DMD: variants seen among roughly 807,000 people sequenced by gnomAD.
The protein encoded by DMD is dystrophin.
Under a neutral mutation model 330.1 loss-of-function variants are expected in DMD, and 63 were observed. That is an observed-to-expected ratio of 0.19 (90% CI 0.16 to 0.24). DMD has a LOEUF of 0.24. Ranked by LOEUF, DMD falls within the 10% of genes least tolerant of loss-of-function variation. The pLI is 1.00. For missense variants in DMD, 3,344 were observed against 2,684.1 expected, an observed-to-expected ratio of 1.25 and a Z score of -5.43; for synonymous variants, 1,223 against 959.8, an observed-to-expected ratio of 1.27 and a Z score of -5.07.
intron 1 of DMD, among the ~76,000 whole-genome samples, chrX:33,200,925 CTTTTTTTTTTTT>C (rs10678250): frequency 1.9e-5 from 1 of 52,808 alleles, no homozygotes; most frequent in East Asian, 7.6e-4. Flanking sequence ...AATCAATAGA[CTTTTTTTTTTTT>C]TTTTTTTTTT....
intron 1 of DMD, among the ~76,000 whole-genome samples, chrX:33,297,443 T>C (rs1414190820): frequency 9.0e-6 from 1 of 110,894 alleles, no homozygotes; most frequent in Non-Finnish European, 1.9e-5. Context: ...TCTCAAACTA[T>C]TAAAAATAGA....
chrX:32,741,192 A>AAGTACATT (rs2069215711), intron 7 of DMD, among the ~76,000 whole-genome samples: 1 of 111,506 alleles, frequency 9.0e-6, no homozygotes, highest in Admixed American at 9.6e-5. Flanking sequence ...AATCACACGG[A>AAGTACATT]TATTGCCACT....
chrX:31,509,631 C>T (rs1337272448), intron 55 of DMD, among the ~76,000 whole-genome samples: 1 of 111,824 alleles, frequency 8.9e-6, no homozygotes, highest in Non-Finnish European at 1.9e-5. Flanking sequence ...GTTATGTATA[C>T]CATGAAGTCA....
chrX:31,857,408 A>G (rs907635219), intron 48 of DMD, among the ~76,000 whole-genome samples: 1 of 102,206 alleles, frequency 9.8e-6, no homozygotes, highest in South Asian at 4.3e-4. Flanking sequence ...AAAAAAAAAA[A>G]AGAGAATACC....
intron 44 of DMD, among the ~76,000 whole-genome samples, chrX:32,068,040 A>T (rs1393311043): frequency 9.0e-6 from 1 of 111,544 alleles, no homozygotes; most frequent in Non-Finnish European, 1.9e-5. Flanking sequence ...CTTTTTAACA[A>T]AGCCAGTCTG....
chrX:32,160,001 G>C (rs868467517), intron 44 of DMD, among the ~76,000 whole-genome samples: 1 of 111,175 alleles, frequency 9.0e-6, no homozygotes, highest in Non-Finnish European at 1.9e-5. Context: ...TGGAGGCTAC[G>C]GGAAGCTACT....
At chrX:32,623,305 A>G (rs1020730708) in intron 11 of DMD, among the ~76,000 whole-genome samples, 41 of 111,594 alleles carry the variant, frequency 3.7e-4, no homozygotes, top group Middle Eastern at 4.6e-3. Context: ...AGGAAGAAGC[A>G]AAATTGAAGG....
At chrX:32,554,810 G>C (rs1020304866) in intron 16 of DMD, among the ~76,000 whole-genome samples, 2 of 15,107 alleles carry the variant, frequency 1.3e-4, no homozygotes, top group African/African-American at 4.0e-4. Flanking sequence ...GGGAGGGAGG[G>C]AGGGAGGGAG....
intron 18 of DMD, among the ~76,000 whole-genome samples, chrX:32,511,740 A>G (rs774046506): frequency 1.6e-4 from 18 of 110,395 alleles, no homozygotes; most frequent in Non-Finnish European, 2.6e-4. Flanking sequence ...GTTTTTCTAT[A>G]GAGCTGTTTA....
chrX:33,218,663 G>A (rs1010157614), intron 1 of DMD, among the ~76,000 whole-genome samples: 3 of 111,422 alleles, frequency 2.7e-5, no homozygotes, highest in African/African-American at 9.8e-5. Flanking sequence ...ACAAAATTTG[G>A]TATTTTTCAA....
At chrX:31,627,428 T>G (rs1295329438) in intron 55 of DMD, among the ~76,000 whole-genome samples, 1 of 112,294 alleles carries the variant, frequency 8.9e-6, no homozygotes, top group African/African-American at 3.2e-5. Flanking sequence ...GAAGCTCTGG[T>G]TTTATATGCA....
intron 55 of DMD, among the ~76,000 whole-genome samples, chrX:31,516,235 A>G (rs2072178928): frequency 9.2e-6 from 1 of 108,865 alleles, no homozygotes; most frequent in Non-Finnish European, 1.9e-5. Flanking sequence ...ATTGCATGTT[A>G]CAAAAGTATC....
intron 44 of DMD, among the ~76,000 whole-genome samples, chrX:31,973,348 A>T (rs1407388657): frequency 9.0e-6 from 1 of 111,298 alleles, no homozygotes; most frequent in African/African-American, 3.3e-5. Context: ...AAGGATAAGA[A>T]AACAGTGAAA....
At chrX:32,508,839 C>G (rs779857061) in intron 18 of DMD, among the ~76,000 whole-genome samples, 1 of 109,548 alleles carries the variant, frequency 9.1e-6, no homozygotes, top group East Asian at 2.9e-4. Context: ...GAGACGGAGT[C>G]TCGCTCTGTC....
At chrX:31,722,210 C>G (rs1176604813) in intron 52 of DMD, among the ~76,000 whole-genome samples, 1 of 110,253 alleles carries the variant, frequency 9.1e-6, no homozygotes, top group Non-Finnish European at 1.9e-5. Context: ...CCTCCGCCTC[C>G]CGGGTTCAAG....
chrX:33,036,240 T>C, intron 1 of DMD, among the ~76,000 whole-genome samples: 2 of 111,857 alleles, frequency 1.8e-5, no homozygotes, highest in Non-Finnish European at 3.8e-5. Flanking sequence ...TTTTAGAAAC[T>C]AGAGAAAAAG....
chrX:32,734,786 T>C (rs2068209197), intron 7 of DMD, among the ~76,000 whole-genome samples: 1 of 107,503 alleles, frequency 9.3e-6, no homozygotes, highest in African/African-American at 3.5e-5. Context: ...GAGCTATCTA[T>C]GACAAACCCA....
chrX:32,492,339 T>C (rs1334715069), intron 19 of DMD, among the ~76,000 whole-genome samples: 8 of 112,379 alleles, frequency 7.1e-5, no homozygotes, highest in Non-Finnish European at 1.3e-4. Flanking sequence ...CTCTGTCTCA[T>C]ATTGTCCATG....
chrX:32,141,009 T>G (rs1256452227), intron 44 of DMD, among the ~76,000 whole-genome samples: 1 of 111,995 alleles, frequency 8.9e-6, no homozygotes, highest in African/African-American at 3.2e-5. Context: ...ATTAGGTTTA[T>G]GTTTTTGAGA....
Sources: allele counts gnomAD v4.1 joint callset (sites outside exome capture counted in the v4.1 genomes callset), GRCh38; gene constraint gnomAD v4.1.1; transcripts MANE v1.5; gene names NCBI Gene and HGNC (gene_info 2026-07-23, HGNC 2026-07-21).